Variants in SLF1 observed in about 807,000 individuals in gnomAD.
The protein encoded by SLF1 is SMC5/6 complex localization factor 1, also known as SMC5-SMC6 complex localization factor protein 1.
A neutral mutation model predicts 123.0 loss-of-function variants in SLF1; 105 were observed. The ratio of observed to expected loss-of-function variants is 0.85; its 90% CI spans 0.73 to 1.00. SLF1 has a LOEUF of 1.00. Among genes scored for constraint, SLF1 ranks in the 50% least tolerant of loss-of-function variants. The pLI, the probability that SLF1 is intolerant of heterozygous loss-of-function variation, is 0.00. For synonymous variants in SLF1, 434 were observed against 406.6 expected, an observed-to-expected ratio of 1.07 and a Z score of -0.81; for missense variants, 1,239 against 1,223.0, an observed-to-expected ratio of 1.01 and a Z score of -0.20.
rs559263115 is a variant in SLF1, at chr5:94,677,718, T to A, written c.1828-1090T>A. 8.5e-4 allele frequency among the ~76,000 whole-genome samples: 129 copies of A among 152,270 alleles called. 2 individuals carry two copies. The highest frequency in any genetic ancestry group is 4.8e-3 in the Admixed American group (73 of 15,294). Reference sequence around the variant, plus strand: ...AGCTGGTTTTAATGCTTTGAAAAAGTGTTTATATTTCAATCAAAGGTGTTT... The same window carrying A: ...AGCTGGTTTTAATGCTTTGAAAAAGAGTTTATATTTCAATCAAAGGTGTTT... On this transcript the variant is annotated intron_variant, in intron 14 of 20. Coordinates refer to ENST00000265140, the MANE Select transcript of SLF1 (RefSeq NM_032290.4).
chr5:94,689,129 A>C (rs1752781084), intron 17 of SLF1, among the ~76,000 whole-genome samples: 1 of 152,218 alleles, frequency 6.6e-6, no homozygotes, highest in Admixed American at 6.5e-5. Flanking sequence ...ATAGAATCAG[A>C]ATATGAAAGT....
At chr5:94,691,979 G>A in intron 19 of SLF1, 95 bp from the exon 20 acceptor site, 1 of 1,204,212 alleles carries the variant, frequency 8.3e-7, no homozygotes. Context: ...GAAGCACCTA[G>A]AAAGTCACAC....
At chr5:94,666,120 T>C (rs936432963) in intron 12 of SLF1, 96 bp downstream of exon 12, 17 of 1,247,248 alleles carry the variant, frequency 1.4e-5, no homozygotes, top group Non-Finnish European at 1.6e-5. Context: ...ATCTTTCTAC[T>C]TTTGGAAAAG....
At chr5:94,643,723 TG>T (rs960819770) in intron 5 of SLF1, among the ~76,000 whole-genome samples, 1 of 152,074 alleles carries the variant, frequency 6.6e-6, no homozygotes, top group Admixed American at 6.6e-5. Context: ...TATGAGAATT[TG>T]GGGGTTATTT....
intron 14 of SLF1, chr5:94,678,500 C>G (rs958994815): frequency 5.6e-6 from 1 of 178,850 alleles, no homozygotes; most frequent in Non-Finnish European, 1.2e-5. Flanking sequence ...CAGGTATTTT[C>G]TCATTATTTT....
chr5:94,674,362 CAT>C (rs1277040285), intron 14 of SLF1, among the ~76,000 whole-genome samples: 16 of 152,220 alleles, frequency 1.1e-4, no homozygotes, highest in African/African-American at 2.2e-4. Context: ...ATAAAAGCAA[CAT>C]ATGTGTGAAG....
intron 12 of SLF1, among the ~76,000 whole-genome samples, chr5:94,669,413 G>A (rs1241333472): frequency 1.3e-5 from 2 of 152,160 alleles, no homozygotes; most frequent in Non-Finnish European, 2.9e-5. Flanking sequence ...GTGGGAGATT[G>A]TAATAAATAG....
intron 20 of SLF1, 149 bp from the exon 21 acceptor site, chr5:94,694,682 A>G: frequency 6.8e-6 from 7 of 1,024,106 alleles, no homozygotes; most frequent in Non-Finnish European, 9.5e-6. Flanking sequence ...TCGTCTATAT[A>G]TATAGTCAGT....
chr5:94,692,392 TAAA>T (rs1753134148), intron 20 of SLF1, 136 bp downstream of exon 20: 6 of 890,372 alleles, frequency 6.7e-6, no homozygotes. Context: ...AAAGTAAGGA[TAAA>T]AAGTCTCCTA....
intron 10 of SLF1, among the ~76,000 whole-genome samples, chr5:94,662,928 C>G (rs1421705930): frequency 1.3e-5 from 2 of 152,020 alleles, no homozygotes; most frequent in Non-Finnish European, 1.5e-5. Context: ...ATAGTTTGAC[C>G]AAGGGGAATG....
In SLF1 at chr5:94,694,805, C is replaced by A. The variant is rs368889813; in HGVS notation, c.2696-26C>A. 1.1e-5 allele frequency: 17 copies of A among 1,522,780 alleles called. No homozygotes were observed. The South Asian group carries it at 1.6e-4, about 14-fold the overall frequency. 94.3% of individuals were successfully genotyped at this position (1,522,780 alleles called of 1,614,324 possible). On this transcript the variant is annotated intron_variant, in intron 20 of 20. Coordinates refer to ENST00000265140, the MANE Select transcript of SLF1 (RefSeq NM_032290.4). Reference sequence around the variant, plus strand: ...TGCCAAAATAGAAATGTTTTACTTGCAACATTTTGCATTTTCTTTTCACAG... The same window carrying A: ...TGCCAAAATAGAAATGTTTTACTTGAAACATTTTGCATTTTCTTTTCACAG...
intron 1 of SLF1, among the ~76,000 whole-genome samples, chr5:94,620,615 A>G (rs1791697234): frequency 6.6e-6 from 1 of 152,238 alleles, no homozygotes; most frequent in South Asian, 2.1e-4. Context: ...TTTAGAAAGT[A>G]AAATAAAAAA....
intron 1 of SLF1, among the ~76,000 whole-genome samples, chr5:94,623,752 A>G (rs1369134727): frequency 6.6e-6 from 1 of 152,098 alleles, no homozygotes; most frequent in African/African-American, 2.4e-5. Context: ...TATATGTTAA[A>G]CCAATTATAG....
Position 94,695,048 on chromosome 5 carries a change from T to C in SLF1, c.2913T>C (p.Asp971=), listed in dbSNP as rs200331318. 1.9e-5 allele frequency: 30 copies of C among 1,612,422 alleles called. No individual in the cohort carries two copies. In the African/African-American group the frequency reaches 3.3e-4, roughly 18 times the overall value. Residue 971 remains aspartate, a synonymous_variant, in exon 21 of 21, where the codon GAT becomes GAC. Transcript: ENST00000265140. ...RMLLNFCSIF[D]LSSEFILASK... is the part of the protein sequence containing the mutation. ...TGCTAAATTTTTGTTCAATTTTTGA[T>C]TTATCTTCAGAGTTCATTTTAGCTT...
intron 16 of SLF1, among the ~76,000 whole-genome samples, chr5:94,688,101 A>ATTTTG (rs1752662736): frequency 6.7e-6 from 1 of 149,338 alleles, no homozygotes. Context: ...TTTATTCCTT[A>ATTTTG]TTTTGTTTTC....
At chr5:94,641,436 C>T (rs184384653) in intron 4 of SLF1, among the ~76,000 whole-genome samples, 6 of 152,216 alleles carry the variant, frequency 3.9e-5, no homozygotes, top group South Asian at 2.1e-4. Context: ...TTATAAATTA[C>T]CAAGTCTTCA....
chr5:94,694,553 G>T (rs1753376514), intron 20 of SLF1, among the ~76,000 whole-genome samples: 1 of 151,728 alleles, frequency 6.6e-6, no homozygotes, highest in Non-Finnish European at 1.5e-5. Flanking sequence ...AATGACAGTT[G>T]ATAAAGTTTT....
chr5:94,673,273 C>T (rs753847416), intron 14 of SLF1, among the ~76,000 whole-genome samples: 4 of 151,986 alleles, frequency 2.6e-5, no homozygotes, highest in African/African-American at 4.8e-5. Context: ...CCCTTGAGTA[C>T]CTCACTAGAT....
intron 14 of SLF1, among the ~76,000 whole-genome samples, chr5:94,675,509 C>T (rs1419014262): frequency 6.6e-6 from 1 of 152,064 alleles, no homozygotes; most frequent in African/African-American, 2.4e-5. Flanking sequence ...GGAATAGCAT[C>T]GTTGATGTAT....
Sources: gnomAD v4.1 joint callset for allele counts (sites outside exome capture counted in the v4.1 genomes callset) on GRCh38, gnomAD v4.1.1 for gene constraint, MANE v1.5 for transcripts, NCBI Gene and HGNC (gene_info 2026-07-23, HGNC 2026-07-21) for gene names.